Variants in CLIC5 observed in about 807,000 individuals in gnomAD.
CLIC5 encodes the protein chloride intracellular channel protein 5.
CLIC5 carries 20 observed loss-of-function variants against 24.7 expected under a neutral mutation model. The ratio of observed to expected loss-of-function variants is 0.81; its 90% confidence interval spans 0.57 to 1.18. The LOEUF (loss-of-function observed/expected upper bound fraction) is 1.18. Ranked by LOEUF, CLIC5 falls within the 50% of genes most tolerant of loss-of-function variation. CLIC5 has a pLI of 0.00. For synonymous variants in CLIC5, 159 were observed against 135.6 expected (o/e 1.17, Z -1.20); for missense variants, 341 against 326.1 (o/e 1.05, Z -0.35).
intron 1 of CLIC5, among the ~76,000 whole-genome samples, chr6:45,983,395 T>C (rs938679087): frequency 7.2e-5 from 11 of 152,140 alleles, no homozygotes; most frequent in African/African-American, 2.4e-5. Context: ...TTTGGGTAAG[T>C]GATGTCAATA....
intron 3 of CLIC5, among the ~76,000 whole-genome samples, chr6:45,948,609 GAAC>G (rs1764363873): frequency 6.6e-6 from 1 of 152,090 alleles, no homozygotes; most frequent in African/African-American, 2.4e-5. Flanking sequence ...ATTCTTTAAT[GAAC>G]AAGTCTAGCT....
chr6:46,125,352 C>A, the CLIC5 span, among the ~76,000 whole-genome samples: 1 of 152,118 alleles, frequency 6.6e-6, no homozygotes, highest in East Asian at 1.9e-4. Context: ...CGCATGTTCT[C>A]ACTCATAGGT....
chr6:46,040,889 A>G (rs558896768), intron 1 of CLIC5, among the ~76,000 whole-genome samples: 14 of 152,350 alleles, frequency 9.2e-5, no homozygotes, highest in African/African-American at 3.4e-4. Context: ...CTAGAAAGCA[A>G]TCTACCAAAA....
chr6:45,983,653 T>G (rs1452604052), intron 1 of CLIC5, among the ~76,000 whole-genome samples: 1 of 149,866 alleles, frequency 6.7e-6, no homozygotes, highest in African/African-American at 2.6e-5. Context: ...GGGGAATGCC[T>G]GTGTAAAGAG....
At position 46,047,445 on chromosome 6, in the gene CLIC5, T is replaced by TGAAA. The variant is rs574995713; in HGVS notation, c.540+32254_540+32257dup. Among the ~76,000 whole-genome samples, 653 of 152,288 alleles carry TGAAA rather than the reference T, an allele frequency of 4.3e-3. 3 individuals carry two copies. The highest frequency in any genetic ancestry group is 0.015 in the African/African-American group (608 of 41,552). On this transcript the variant is annotated intron_variant, in intron 1 of 5. Transcript: ENST00000185206. ...TATGCAGGATATGAAGATTGAAATT[T>TGAAA]GAAAGATATAGAGCTAGAAGCTAGT...
chr6:46,049,298 C>A (rs780979439), intron 1 of CLIC5, among the ~76,000 whole-genome samples: 20 of 152,100 alleles, frequency 1.3e-4, no homozygotes, highest in Non-Finnish European at 2.8e-4. Context: ...TAACATCTCC[C>A]AGGAACTTGT....
chr6:46,083,027 A>T (rs9395150), upstream of CLIC5, among the ~76,000 whole-genome samples: 21,012 of 152,200 alleles, frequency 0.14, 1,873 homozygotes, highest in South Asian at 0.34. Flanking sequence ...TGAATTTTTA[A>T]GATTGCTGAC....
chr6:46,078,441 A>G (rs998065298), intron 1 of CLIC5, among the ~76,000 whole-genome samples: 1 of 152,092 alleles, frequency 6.6e-6, no homozygotes, highest in African/African-American at 2.4e-5. Context: ...GCGTGAATGC[A>G]CCTGTTCTAA....
At chr6:45,993,754 T>A (rs1458428173) in intron 1 of CLIC5, among the ~76,000 whole-genome samples, 1 of 152,046 alleles carries the variant, frequency 6.6e-6, no homozygotes, top group African/African-American at 2.4e-5. Flanking sequence ...GCCACTAGAG[T>A]GGGAACAGAT....
the CLIC5 span, among the ~76,000 whole-genome samples, chr6:46,086,753 C>A: frequency 6.6e-6 from 1 of 152,194 alleles, no homozygotes; most frequent in African/African-American, 2.4e-5. Flanking sequence ...ATTGGAGCAA[C>A]TTGGTCCACT....
upstream of CLIC5, among the ~76,000 whole-genome samples, chr6:46,020,716 T>C (rs6919720): frequency 0.14 from 20,741 of 151,942 alleles, 1,530 homozygotes; most frequent in African/African-American, 0.18. Context: ...AGAAGATATA[T>C]TATCAATGTT....
intron 1 of CLIC5, among the ~76,000 whole-genome samples, chr6:45,976,151 T>G (rs915948270): frequency 6.6e-6 from 1 of 152,138 alleles, no homozygotes. Flanking sequence ...TAGCTTCCAG[T>G]CACCTATGGA....
chr6:45,883,780 T>G (rs893940021), intron 6 of CLIC5: 1 of 152,226 alleles, frequency 6.6e-6, no homozygotes, highest in African/African-American at 2.4e-5. Context: ...AGGCTTCTTG[T>G]AGGAAGAACC....
chr6:45,917,712 A>G (rs547667318), intron 4 of CLIC5, among the ~76,000 whole-genome samples: 1 of 152,216 alleles, frequency 6.6e-6, no homozygotes, highest in South Asian at 2.1e-4. Context: ...TTTTCCTCCC[A>G]CCTGCCAACT....
At chr6:46,004,435 A>G (rs1309108619) in intron 1 of CLIC5, among the ~76,000 whole-genome samples, 1 of 152,188 alleles carries the variant, frequency 6.6e-6, no homozygotes, top group Non-Finnish European at 1.5e-5. Flanking sequence ...ATGTCCTCCA[A>G]CTTCAATCTT....
chr6:46,069,396 G>A (rs75338066), intron 1 of CLIC5, among the ~76,000 whole-genome samples: 15,884 of 151,964 alleles, frequency 0.1, 889 homozygotes, highest in African/African-American at 0.15. Context: ...TGACTCCACA[G>A]GAATACAAAT....
At chr6:46,097,817 A>T in the CLIC5 span, among the ~76,000 whole-genome samples, 5 of 151,214 alleles carry the variant, frequency 3.3e-5, no homozygotes, top group South Asian at 1.0e-3. Flanking sequence ...TTTAATTCAT[A>T]TTTTTTTTTG....
upstream of CLIC5, among the ~76,000 whole-genome samples, chr6:46,019,939 A>G (rs1266435812): frequency 2.6e-5 from 4 of 152,026 alleles, no homozygotes; most frequent in Admixed American, 1.3e-4. Flanking sequence ...AGCTGATGGA[A>G]CTGAAAGGAG....
intron 1 of CLIC5, among the ~76,000 whole-genome samples, chr6:46,002,960 T>C (rs1350721200): frequency 6.6e-6 from 1 of 152,230 alleles, no homozygotes; most frequent in Non-Finnish European, 1.5e-5. Context: ...TTCTCCTCAT[T>C]AAGCTACAAG....
Sources: gnomAD v4.1 joint callset for allele counts (sites outside exome capture counted in the v4.1 genomes callset) on GRCh38, gnomAD v4.1.1 for gene constraint, MANE v1.5 for transcripts, NCBI Gene and HGNC (gene_info 2026-07-23, HGNC 2026-07-21) for gene names.